POLR1A: variants seen among roughly 807,000 people sequenced by gnomAD.
The protein encoded by POLR1A is RNA polymerase I subunit A.
In POLR1A, 84 loss-of-function variants were observed where a neutral mutation model predicts 205.3. The ratio of observed to expected loss-of-function variants is 0.41; its 90% CI spans 0.34 to 0.49. The LOEUF is 0.49. POLR1A is among the 20% of genes least tolerant of loss of function. The pLI is 0.22. For missense variants in POLR1A, 1,645 were observed against 2,204.5 expected, an observed-to-expected ratio of 0.75 and a Z score of 5.08; for synonymous variants, 799 against 863.7, an observed-to-expected ratio of 0.93 and a Z score of 1.31.
rs1022493155 is a variant in POLR1A, at chr2:86,046,788, C to T, written c.2733+377G>A. Among the ~76,000 whole-genome samples, 8 of 152,054 alleles carry T rather than the reference C, an allele frequency of 5.3e-5. No homozygotes were observed. The East Asian group carries it at 1.2e-3, about 22-fold the overall frequency. On this transcript the variant is annotated intron_variant, in intron 19 of 33. Transcript: ENST00000263857. ...GAGGTTGCAGTGAGCCAAGATTGCG[C>T]CACTGCACTCCAGCCCGGTGACAGA...
chr2:86,083,050 A>G, intron 7 of POLR1A, 32 bp downstream of exon 7: 2 of 1,482,464 alleles, frequency 1.3e-6, no homozygotes, highest in Non-Finnish European at 1.9e-6. Flanking sequence ...CCTAGAGAAG[A>G]TCAAGGCTAT....
At chr2:86,082,540 G>GC (rs1553437550) in intron 7 of POLR1A, among the ~76,000 whole-genome samples, 1 of 102,412 alleles carries the variant, frequency 9.8e-6, no homozygotes, top group Non-Finnish European at 2.3e-5. Flanking sequence ...TAACTCCAGT[G>GC]CTTTTTTTTT....
At position 86,047,195 on chromosome 2, in the gene POLR1A, T is replaced by C; in HGVS notation, c.2703A>G (p.Gly901=). ...ENSLQMMVQS[G]AKGSTVNTMQ... is the part of the protein sequence containing the mutation. ...TCGTGTTCACAGTTGAACCTTTGGC[T>C]CCCGACTGCACCATCATCTGCAGGC... The change falls in exon 19 of 34, where the codon GGA becomes GGG. Residue 901 remains glycine (G), a synonymous_variant. Coordinates refer to ENST00000263857, the MANE Select transcript of POLR1A (RefSeq NM_015425.6). 1.2e-6 allele frequency: 2 copies of C among 1,614,148 alleles called. No homozygotes were observed. The highest frequency in any genetic ancestry group is 8.5e-7 in the Non-Finnish European group (1 of 1,179,988).
In POLR1A at chr2:86,074,016, T is replaced by G. The variant is rs552117898; in HGVS notation, c.1611+1014A>C. ...ACTAGAGAAGAACAAAAGAGGTGAC[T>G]TGATCTATGTTTGCATGTGCCCTGT... On this transcript the variant is annotated intron_variant, in intron 12 of 33. Transcript: ENST00000263857. Among the ~76,000 whole-genome samples the G allele has an allele frequency of 7.2e-5, 11 of 152,330 alleles. No homozygotes were observed. In the East Asian group the frequency reaches 2.1e-3, roughly 29 times the overall value.
intron 11 of POLR1A, among the ~76,000 whole-genome samples, chr2:86,075,701 T>C (rs1673268623): frequency 6.6e-6 from 1 of 152,078 alleles, no homozygotes; most frequent in Non-Finnish European, 1.5e-5. Flanking sequence ...AGAGACAGGG[T>C]TTCTCCATGC....
At chr2:86,080,306 A>G (rs911378003) in intron 9 of POLR1A, among the ~76,000 whole-genome samples, 1 of 152,066 alleles carries the variant, frequency 6.6e-6, no homozygotes, top group Non-Finnish European at 1.5e-5. Context: ...GTTAGTTGAA[A>G]CTGTCCTATT....
In POLR1A at chr2:86,088,583, T is replaced by G; in HGVS notation, c.713A>C (p.Lys238Thr). The change falls in exon 6 of 34, where the codon AAG becomes ACG. Residue 238 changes from lysine (K) to threonine (T), a missense_variant. Coordinates refer to ENST00000263857, the MANE Select transcript of POLR1A (RefSeq NM_015425.6). ...PAMVHRTAGQ[K>T]DSEPLGIEEA... ...CTGCTCACCCAGGGGCTCAGAGTCC[T>G]TCTGGCCAGCTGTCCTGTGCACCAT... 1 of 1,613,636 alleles carries G rather than the reference T, an allele frequency of 6.2e-7. No homozygotes were observed. Among genetic ancestry groups the G allele is most frequent in the South Asian group, 1.1e-5 (1 of 91,082 alleles).
intron 11 of POLR1A, 52 bp from the exon 12 acceptor site, chr2:86,075,312 T>G (rs935253002): frequency 1.3e-5 from 17 of 1,271,424 alleles, no homozygotes; most frequent in Non-Finnish European, 1.9e-5. Context: ...AAAAAAGGTC[T>G]GATGGACCCC....
chr2:86,048,798 A>C (rs2104395284), intron 18 of POLR1A, 86 bp downstream of exon 18: 2,967 of 1,019,504 alleles, frequency 2.9e-3, no homozygotes, highest in Non-Finnish European at 4.1e-3. Context: ...GGTGCTCTGT[A>C]GGGCCCAGGT....
intron 14 of POLR1A, among the ~76,000 whole-genome samples, 162 bp from the exon 15 acceptor site, chr2:86,054,451 G>A (rs932991841): frequency 3.3e-5 from 5 of 152,108 alleles, no homozygotes; most frequent in African/African-American, 1.2e-4. Flanking sequence ...AAACAGACAG[G>A]TCCACCTCCA....
At chr2:86,089,268 C>G (rs1286831020) in intron 4 of POLR1A, among the ~76,000 whole-genome samples, 2 of 152,242 alleles carry the variant, frequency 1.3e-5, no homozygotes, top group Non-Finnish European at 2.9e-5. Context: ...GGCACATCCA[C>G]AGTCCAGCCA....
At chr2:86,056,240 T>C (rs1278756522) in intron 14 of POLR1A, among the ~76,000 whole-genome samples, 2 of 151,976 alleles carry the variant, frequency 1.3e-5, no homozygotes, top group East Asian at 3.9e-4. Flanking sequence ...TCACTTAAGG[T>C]CGGGAGTTTG....
Position 86,031,529 on chromosome 2 carries a change from T to G in POLR1A, c.4379A>C (p.Gln1460Pro), listed in dbSNP as rs1672389379. 1.2e-6 allele frequency: 2 copies of G among 1,614,188 alleles called. No individual in the cohort carries two copies. Among genetic ancestry groups the G allele is most frequent in the Non-Finnish European group, 1.7e-6 (2 of 1,180,030 alleles). Residue 1460 changes from glutamine (Q) to proline (P), a missense_variant, in exon 30 of 34, where the codon CAA (glutamine) becomes CCA (proline). By Grantham distance (76) the Gln-to-Pro change is moderately conservative. Around this residue, in one of 16 missense-constraint regions of POLR1A, gnomAD observed 394 missense variants for 468.5 expected, o/e 0.84. Coordinates refer to ENST00000263857, the MANE Select transcript of POLR1A (RefSeq NM_015425.6). The part of the protein sequence containing the change: ...NPHREGARKT[Q>P]EQDEEVGLGT... ...TAAGCCCACCTCTTCATCTTGCTCT[T>G]GGGTCTTTCGAGCACCTTCCCTGTG...
chr2:86,070,044 T>C lies in POLR1A; in HGVS notation c.1840A>G (p.Thr614Ala), dbSNP rs1423477618. The C allele has an allele frequency of 2.5e-6, 4 of 1,613,882 alleles. No individual in the cohort carries two copies. Among genetic ancestry groups the C allele is most frequent in the Non-Finnish European group, 3.4e-6 (4 of 1,179,912 alleles). ...GRAEAYVLAC[T>A]DQQYLVPKDG... ...TTGGGAACAAGGTACTGCTGATCAG[T>C]GCAGGCCAGGACGTAGGCCTCGGCC... Residue 614 changes from threonine (T) to alanine (A), a missense_variant, in exon 13 of 34, where the codon ACT becomes GCT. By Grantham distance (58) the Thr-to-Ala change is moderately conservative. Transcript: ENST00000263857. This position sits in a 1 kb window ranked among gnomAD's most constrained non-coding sequence, Gnocchi z 4.4.
chr2:86,040,568 G>A lies in POLR1A; in HGVS notation c.3573-9C>T, dbSNP rs767577248. 3.9e-5 allele frequency: 60 copies of A among 1,539,132 alleles called. No individual in the cohort carries two copies. Among genetic ancestry groups the A allele is most frequent in the East Asian group, 6.9e-5 (3 of 43,258 alleles). On this transcript the variant is annotated splice_polypyrimidine_tract_variant and intron_variant, in intron 24 of 33. Transcript: ENST00000263857. ...GCAGCAAGGTCCTCAACCTAGAGACGGTGGTGGGGGGTCAGGGTGGGGGTT... is the reference window on the plus strand; with the variant it reads ...GCAGCAAGGTCCTCAACCTAGAGACAGTGGTGGGGGGTCAGGGTGGGGGTT...
At chr2:86,044,887 T>C (rs571200536) in intron 21 of POLR1A, among the ~76,000 whole-genome samples, 10 of 152,280 alleles carry the variant, frequency 6.6e-5, no homozygotes, top group African/African-American at 2.4e-4. Context: ...CCTGCCACCC[T>C]AACAGTGGGC....
rs1690141180 is a variant in POLR1A, at chr2:86,021,708, A to G, written c.*5715T>C. The G allele has an allele frequency of 6.6e-6, 1 of 152,264 alleles. No homozygotes were observed. The highest frequency in any genetic ancestry group is 2.4e-5 in the African/African-American group (1 of 41,420). The allele number at this position is 152,264 out of a possible 1,614,324, so 9.4% of individuals were successfully genotyped here. A position where few individuals can be genotyped will look rare whatever the true frequency, so the allele number is the denominator to read the frequency against. On this transcript the variant is annotated 3_prime_UTR_variant, in exon 34 of 34. Coordinates refer to ENST00000263857, the MANE Select transcript of POLR1A (RefSeq NM_015425.6). ...AGGGCAGGGCCCACATAGCTTGTGC[A>G]TCTTAGGGTGCCTGGGACACAGTGG...
chr2:86,036,478 G>T (rs2104384933), intron 27 of POLR1A, among the ~76,000 whole-genome samples: 1 of 152,190 alleles, frequency 6.6e-6, no homozygotes, highest in East Asian at 1.9e-4. Context: ...AAGGGAGGGT[G>T]GGGGCAAAGA....
chr2:86,083,359 C>T (rs940365294), intron 6 of POLR1A, among the ~76,000 whole-genome samples, 191 bp from the exon 7 acceptor site: 2 of 149,748 alleles, frequency 1.3e-5, no homozygotes, highest in Non-Finnish European at 1.5e-5. Flanking sequence ...AACCATATGG[C>T]TATTGTATAA....
Sources: allele counts gnomAD v4.1 joint callset (sites outside exome capture counted in the v4.1 genomes callset), GRCh38; gene constraint gnomAD v4.1.1; regional missense constraint gnomAD v4.1.1; non-coding constraint Gnocchi (gnomAD v3.1); transcripts MANE v1.5; gene names NCBI Gene and HGNC (gene_info 2026-07-23, HGNC 2026-07-21).